Variants in NOS1AP observed in about 807,000 individuals in gnomAD.
The protein encoded by NOS1AP is carboxyl-terminal PDZ ligand of neuronal nitric oxide synthase protein.
NOS1AP carries 21 observed loss-of-function variants against 56.2 expected under a neutral mutation model. The observed-to-expected ratio is 0.37, with a 90% confidence interval of 0.26 to 0.54. The LOEUF (loss-of-function observed/expected upper bound fraction) is 0.54, where lower values mean the gene tolerates loss of function less well. Among genes scored for constraint, NOS1AP ranks in the 20% least tolerant of loss-of-function variants. The pLI is 0.84. For synonymous variants in NOS1AP, 270 were observed against 274.6 expected, an observed-to-expected ratio of 0.98 and a Z score of 0.17; for missense variants, 522 against 657.8, an observed-to-expected ratio of 0.79 and a Z score of 2.26.
At chr1:162,321,729 A>AT (rs56969327) in intron 4 of NOS1AP, among the ~76,000 whole-genome samples, 5,839 of 127,548 alleles carry the variant, frequency 0.046, 192 homozygotes, top group African/African-American at 0.11. Flanking sequence ...TAAAAAAAAA[A>AT]AAATATATAT....
intron 5 of NOS1AP, among the ~76,000 whole-genome samples, chr1:162,333,845 GA>G (rs1656854940): frequency 6.6e-6 from 1 of 152,182 alleles, no homozygotes; most frequent in Non-Finnish European, 1.5e-5. Flanking sequence ...GAGAAGGTCT[GA>G]TGATAAAAAA....
At position 162,144,500 on chromosome 1, in the gene NOS1AP, C is replaced by A. The variant is rs1649371200; in HGVS notation, c.106-9905C>A. Among the ~76,000 whole-genome samples, 5 of 152,332 alleles carry A rather than the reference C, an allele frequency of 3.3e-5. No individual in the cohort carries two copies. In the South Asian group the frequency reaches 1.0e-3, roughly 32 times the overall value. On this transcript the variant is annotated intron_variant, in intron 1 of 9. Coordinates refer to ENST00000361897, the MANE Select transcript of NOS1AP (RefSeq NM_014697.3). ...CTATCCATTCCTGGTTTACCTGATA[C>A]AGGTGATGATTTTAATGATCATACA...
intron 1 of NOS1AP, among the ~76,000 whole-genome samples, chr1:162,145,589 C>T (rs114463331): frequency 1.3e-3 from 200 of 152,274 alleles, no homozygotes; most frequent in African/African-American, 4.4e-3. Context: ...TTCATAATCC[C>T]GCTCAGCAGG....
chr1:162,082,139 CCATGTGTTCT>C (rs1018973790), intron 1 of NOS1AP, among the ~76,000 whole-genome samples: 3 of 151,952 alleles, frequency 2.0e-5, no homozygotes, highest in Admixed American at 2.0e-4. Context: ...CTCTATGTGT[CCATGTGTTCT>C]CATCATTTAG....
At chr1:162,194,207 GTCCCCTCTCT>G (rs1235313146) in intron 2 of NOS1AP, among the ~76,000 whole-genome samples, 1 of 152,056 alleles carries the variant, frequency 6.6e-6, no homozygotes, top group Non-Finnish European at 1.5e-5. Flanking sequence ...ACCCCTATAT[GTCCCCTCTCT>G]TCTCTTCATC....
At chr1:162,164,318 A>T (rs1650374167) in intron 2 of NOS1AP, among the ~76,000 whole-genome samples, 1 of 152,188 alleles carries the variant, frequency 6.6e-6, no homozygotes, top group Admixed American at 6.5e-5. Flanking sequence ...TGCATTGAGC[A>T]TCTACTCTTT....
intron 1 of NOS1AP, among the ~76,000 whole-genome samples, chr1:162,085,813 A>C (rs924261610): frequency 2.1e-4 from 32 of 152,134 alleles, no homozygotes; most frequent in African/African-American, 7.7e-4. Context: ...TAGGCACATT[A>C]TATTATTAGG....
At chr1:162,365,658 G>A (rs1447966816) in intron 9 of NOS1AP, 89 bp downstream of exon 9, 19 of 1,528,404 alleles carry the variant, frequency 1.2e-5, no homozygotes, top group Non-Finnish European at 1.7e-5. Context: ...GTGCTTTCTT[G>A]GACCCCTGAC....
chr1:162,256,017 G>C (rs1654016685), intron 2 of NOS1AP, among the ~76,000 whole-genome samples: 1 of 152,136 alleles, frequency 6.6e-6, no homozygotes, highest in Non-Finnish European at 1.5e-5. Context: ...GGTGGCAGGT[G>C]CCTGTAATCC....
chr1:162,352,360 G>A (rs907380567), intron 6 of NOS1AP, among the ~76,000 whole-genome samples: 4 of 151,192 alleles, frequency 2.6e-5, no homozygotes, highest in Non-Finnish European at 5.9e-5. Flanking sequence ...CGCCTGGCCT[G>A]CAGGCTCCTC....
chr1:162,252,288 C>T (rs997202183), intron 2 of NOS1AP, among the ~76,000 whole-genome samples: 8 of 152,256 alleles, frequency 5.3e-5, no homozygotes, highest in Non-Finnish European at 7.4e-5. Context: ...CTCAAGCAAT[C>T]GGGCCACTTC....
At chr1:162,098,975 T>C (rs543444592) in intron 1 of NOS1AP, among the ~76,000 whole-genome samples, 3 of 152,310 alleles carry the variant, frequency 2.0e-5, no homozygotes, top group East Asian at 3.9e-4. Context: ...AGTGAACATA[T>C]GTGTGTATGT....
intron 6 of NOS1AP, among the ~76,000 whole-genome samples, chr1:162,349,814 C>T (rs1304459600): frequency 1.3e-5 from 2 of 152,154 alleles, no homozygotes; most frequent in East Asian, 1.9e-4. Flanking sequence ...TAACTGGACG[C>T]CCTCTGGTTA....
intron 1 of NOS1AP, among the ~76,000 whole-genome samples, chr1:162,091,319 T>C (rs1692126677): frequency 6.6e-6 from 1 of 152,174 alleles, no homozygotes; most frequent in South Asian, 2.1e-4. Flanking sequence ...GTTTACCCTA[T>C]TGGCTCTTTT....
chr1:162,152,757 G>C (rs1408192286), intron 1 of NOS1AP, among the ~76,000 whole-genome samples: 1 of 152,154 alleles, frequency 6.6e-6, no homozygotes, highest in Non-Finnish European at 1.5e-5. Flanking sequence ...TCCCTTTGTG[G>C]TATTTAGTTT....
At chr1:162,117,936 T>C (rs1430722494) in intron 1 of NOS1AP, among the ~76,000 whole-genome samples, 1 of 152,192 alleles carries the variant, frequency 6.6e-6, no homozygotes, top group Non-Finnish European at 1.5e-5. Flanking sequence ...GGTCCACATA[T>C]CTGTCTTTTG....
intron 2 of NOS1AP, among the ~76,000 whole-genome samples, chr1:162,166,587 T>A (rs566124222): frequency 6.6e-6 from 1 of 152,334 alleles, no homozygotes; most frequent in Admixed American, 6.5e-5. Flanking sequence ...TCTTCTTTTG[T>A]GTTACCATTA....
chr1:162,308,416 G>A (rs1185852706), intron 4 of NOS1AP, among the ~76,000 whole-genome samples: 1 of 152,186 alleles, frequency 6.6e-6, no homozygotes, highest in Non-Finnish European at 1.5e-5. Context: ...CAGGGGGAAG[G>A]CTAGCAGAGA....
intron 1 of NOS1AP, among the ~76,000 whole-genome samples, chr1:162,100,189 A>C (rs1387985935): frequency 1.3e-5 from 2 of 152,144 alleles, no homozygotes; most frequent in African/African-American, 4.8e-5. Context: ...CTAGTTCCAG[A>C]TCCCTGAGGA....
Sources: allele counts gnomAD v4.1 joint callset (sites outside exome capture counted in the v4.1 genomes callset), GRCh38; gene constraint gnomAD v4.1.1; transcripts MANE v1.5; gene names NCBI Gene and HGNC (gene_info 2026-07-23, HGNC 2026-07-21).